The following FAM114A1 variants were observed in gnomAD, a reference collection of about 807,000 sequenced individuals.
FAM114A1 encodes family with sequence similarity 114 member A1.
A neutral mutation model predicts 64.3 loss-of-function variants in FAM114A1; 62 were observed. The ratio of observed to expected loss-of-function variants is 0.96; its 90% CI spans 0.79 to 1.19. The LOEUF (loss-of-function observed/expected upper bound fraction) is 1.19, where lower values mean the gene tolerates loss of function less well. Ranked by LOEUF, FAM114A1 falls within the 50% of genes most tolerant of loss-of-function variation. The pLI is 0.00. For missense variants in FAM114A1, 645 were observed against 676.3 expected (o/e 0.95, Z 0.51); for synonymous variants, 254 against 251.1 (o/e 1.01, Z -0.11).
intron 2 of FAM114A1, among the ~76,000 whole-genome samples, chr4:38,873,066 C>T (rs1714243714): frequency 6.6e-6 from 1 of 152,230 alleles, no homozygotes; most frequent in Admixed American, 6.5e-5. Flanking sequence ...CACAATACTA[C>T]CCCTTCTCTA....
intron 12 of FAM114A1, among the ~76,000 whole-genome samples, chr4:38,933,593 C>G: frequency 6.6e-6 from 1 of 152,196 alleles, no homozygotes; most frequent in South Asian, 2.1e-4. Context: ...ATATGTGTAA[C>G]ATATATGAAT....
In FAM114A1 at chr4:38,908,719, TGTCTCAGGTTGGATTATATAC is replaced by T; in HGVS notation, c.788_792+16del. On this transcript the variant is annotated splice_donor_variant and splice_donor_5th_base_variant and coding_sequence_variant and intron_variant, in exon 7 of 15. Coordinates refer to ENST00000358869, the MANE Select transcript of FAM114A1 (RefSeq NM_138389.4). LOFTEE classifies it high-confidence loss of function. ...ACGCTCATGGAGAGAACTGTTTCCT[TGTCTCAGGTTGGATTATATAC>T]GTTTGCAATTTTTTCTTTCAGTCAA... 6.3e-7 allele frequency: 1 copy of T among 1,599,704 alleles called. No homozygotes were observed. The highest frequency in any genetic ancestry group is 8.6e-7 in the Non-Finnish European group (1 of 1,169,450).
At chr4:38,890,181 G>A (rs939189203) in intron 3 of FAM114A1, among the ~76,000 whole-genome samples, 1 of 152,102 alleles carries the variant, frequency 6.6e-6, no homozygotes, top group Non-Finnish European at 1.5e-5. Context: ...CAAGGGGGCG[G>A]ATCATGAGGT....
chr4:38,889,884 C>G (rs569549963), intron 3 of FAM114A1, among the ~76,000 whole-genome samples: 1 of 152,236 alleles, frequency 6.6e-6, no homozygotes, highest in South Asian at 2.1e-4. Context: ...AGTAGCTCAG[C>G]GGAGCCAGGA....
In FAM114A1 at chr4:38,891,769, A is replaced by G. The variant is rs201447299; in HGVS notation, c.375A>G (p.Gly125=). 252 of 1,612,052 alleles carry G rather than the reference A, an allele frequency of 1.6e-4. 1 individual carries two copies. The East Asian group carries it at 3.1e-3, about 20-fold the overall frequency. The change falls in exon 4 of 15, where the codon GGA becomes GGG. Residue 125 remains glycine, a synonymous_variant. Transcript: ENST00000358869. The part of the protein sequence containing the change: ...YLAVDSPPSG[G]GWAGWGSWGK... ...CTGTGGATTCCCCTCCAAGTGGAGG[A>G]GGATGGGCAGGCTGGGGATCCTGGG...
Position 38,941,038 on chromosome 4 carries a change from G to C in FAM114A1, c.1590+17G>C, listed in dbSNP as rs1721545237. The C allele has an allele frequency of 2.5e-6, 4 of 1,608,124 alleles. No individual in the cohort carries two copies. The highest frequency in any genetic ancestry group is 3.4e-6 in the Non-Finnish European group (4 of 1,176,968). On this transcript the variant is annotated intron_variant, in intron 14 of 14. Transcript: ENST00000358869. ...TTGTTAGAGGTAAGTGGCCTCTGGAGAGAAAGTGCTTCTGAATCAAAGTAA... is the reference window on the plus strand; with the variant it reads ...TTGTTAGAGGTAAGTGGCCTCTGGACAGAAAGTGCTTCTGAATCAAAGTAA...
intron 13 of FAM114A1, among the ~76,000 whole-genome samples, chr4:38,939,308 T>A (rs1221616782): frequency 6.6e-6 from 1 of 152,196 alleles, no homozygotes; most frequent in Non-Finnish European, 1.5e-5. Flanking sequence ...CAACAATACC[T>A]CTGATCTTGT....
At chr4:38,939,886 C>CTTTTTTT (rs545845095) in intron 13 of FAM114A1, among the ~76,000 whole-genome samples, 8 of 131,664 alleles carry the variant, frequency 6.1e-5, no homozygotes, top group Non-Finnish European at 6.4e-5. Flanking sequence ...CACTTTCTTT[C>CTTTTTTT]TTTTTTTTTT....
At chr4:38,876,591 C>T (rs547113447) in intron 2 of FAM114A1, among the ~76,000 whole-genome samples, 2 of 152,326 alleles carry the variant, frequency 1.3e-5, no homozygotes, top group African/African-American at 4.8e-5. Flanking sequence ...CAAGTAAGAG[C>T]TCCAGGAAAG....
chr4:38,882,172 C>A (rs1279641687), intron 3 of FAM114A1, among the ~76,000 whole-genome samples: 1 of 145,740 alleles, frequency 6.9e-6, no homozygotes, highest in Non-Finnish European at 1.5e-5. Flanking sequence ...ATTAGCCGGG[C>A]GCGGTGGTGG....
chr4:38,909,821 T>A (rs562984797), intron 7 of FAM114A1, among the ~76,000 whole-genome samples: 11 of 152,302 alleles, frequency 7.2e-5, no homozygotes, highest in Non-Finnish European at 1.3e-4. Flanking sequence ...GAAGCTTTTG[T>A]TTTAGGCTAT....
intron 13 of FAM114A1, among the ~76,000 whole-genome samples, chr4:38,940,561 T>A (rs140273820): frequency 2.6e-5 from 4 of 152,222 alleles, no homozygotes; most frequent in African/African-American, 9.6e-5. Flanking sequence ...CATCAAAATA[T>A]CAAAATTTTA....
At chr4:38,900,731 T>G (rs1717430108) in intron 4 of FAM114A1, among the ~76,000 whole-genome samples, 3 of 152,140 alleles carry the variant, frequency 2.0e-5, no homozygotes, top group Admixed American at 2.0e-4. Context: ...TTCTGACTAC[T>G]GGAATGTAGA....
At chr4:38,903,812 T>TA (rs1579341803) in intron 4 of FAM114A1, among the ~76,000 whole-genome samples, 1 of 152,248 alleles carries the variant, frequency 6.6e-6, no homozygotes, top group East Asian at 1.9e-4. Context: ...CGTATTTCTA[T>TA]ATGTGATTAC....
chr4:38,926,457 C>CTT (rs1376542912), intron 9 of FAM114A1, among the ~76,000 whole-genome samples: 18 of 145,096 alleles, frequency 1.2e-4, no homozygotes, highest in Admixed American at 4.2e-4. Flanking sequence ...TCTCTCTCCC[C>CTT]TTTTTTTTTT....
intron 9 of FAM114A1, 67 bp downstream of exon 9, chr4:38,922,960 G>T: frequency 6.6e-7 from 1 of 1,515,410 alleles, no homozygotes; most frequent in Non-Finnish European, 8.9e-7. Flanking sequence ...TGCTGTTAAT[G>T]AACACAGCCC....
rs143861523 is a variant in FAM114A1 at position 38,937,687 on chromosome 4, C to G, written c.1536+1897C>G. 5.5e-4 allele frequency among the ~76,000 whole-genome samples: 83 copies of G among 152,180 alleles called. 1 individual carries two copies. Among genetic ancestry groups the G allele is most frequent in the African/African-American group, 1.9e-3 (78 of 41,512 alleles). ...CAGAAAGGAGGCTTTATGAAAGGCA[C>G]TGGGGGAAATGAACCGCTGTGGGGA... On this transcript the variant is annotated intron_variant, in intron 13 of 14. Coordinates refer to ENST00000358869, the MANE Select transcript of FAM114A1 (RefSeq NM_138389.4).
chr4:38,928,574 G>A (rs1216893441), intron 9 of FAM114A1, among the ~76,000 whole-genome samples: 1 of 152,100 alleles, frequency 6.6e-6, no homozygotes, highest in Admixed American at 6.5e-5. Flanking sequence ...TAGCACCTAT[G>A]ATATGTGAGG....
chr4:38,935,475 T>C (rs1173144839), intron 12 of FAM114A1, among the ~76,000 whole-genome samples: 1 of 152,170 alleles, frequency 6.6e-6, no homozygotes, highest in East Asian at 1.9e-4. Context: ...AGAGGTCAAG[T>C]GAGTTGGATG....
Sources: allele counts gnomAD v4.1 joint callset (sites outside exome capture counted in the v4.1 genomes callset), GRCh38; gene constraint gnomAD v4.1.1; transcripts MANE v1.5; gene names NCBI Gene and HGNC (gene_info 2026-07-23, HGNC 2026-07-21).